LRRK1: variants seen among roughly 807,000 people sequenced by gnomAD.
LRRK1 encodes leucine-rich repeat serine/threonine-protein kinase 1.
A neutral mutation model predicts 209.1 loss-of-function variants in LRRK1; 113 were observed. That is an observed-to-expected ratio of 0.54 (90% CI 0.46 to 0.63). The LOEUF (loss-of-function observed/expected upper bound fraction) is 0.63. Ranked by LOEUF, LRRK1 falls within the 30% of genes least tolerant of loss-of-function variation. The pLI, the probability that LRRK1 is intolerant of heterozygous loss-of-function variation, is 0.00. For missense variants in LRRK1, 2,284 were observed against 2,632.2 expected (o/e 0.87, Z 2.89); for synonymous variants, 1,144 against 1,099.7 (o/e 1.04, Z -0.80).
intron 21 of LRRK1, 63 bp downstream of exon 21, chr15:101,046,215 G>C: frequency 6.5e-7 from 1 of 1,541,248 alleles, no homozygotes; most frequent in Admixed American, 1.8e-5. Context: ...TGTACCACTG[G>C]GGGAGGGGAA....
Position 101,010,445 on chromosome 15 carries a change from C to T in LRRK1, c.990-5C>T, listed in dbSNP as rs371827844. 171 of 1,608,676 alleles carry T rather than the reference C, an allele frequency of 1.1e-4. No individual in the cohort carries two copies. Among genetic ancestry groups the T allele is most frequent in the African/African-American group, 3.2e-4 (24 of 74,676 alleles). On this transcript the variant is annotated splice_polypyrimidine_tract_variant and splice_region_variant and intron_variant, in intron 7 of 33. Transcript: ENST00000388948. ...GATGCCTGCCTTCCTTCTTCTCCAT[C>T]GCAGGCTACTTGAAATTGACATTTC...
At chr15:100,949,410 G>A (rs757805074) in intron 2 of LRRK1, among the ~76,000 whole-genome samples, 1 of 152,100 alleles carries the variant, frequency 6.6e-6, no homozygotes, top group Non-Finnish European at 1.5e-5. Context: ...ACAAAGAAAA[G>A]CCAGGCCCAG....
At chr15:101,065,152 A>C in intron 31 of LRRK1, 200 bp from the exon 32 acceptor site, 1 of 614,574 alleles carries the variant, frequency 1.6e-6, no homozygotes, top group Non-Finnish European at 2.8e-6. Flanking sequence ...CAGGGATGGT[A>C]GATATGGCTC....
rs762196892 is a variant in LRRK1, at chr15:100,983,614, C to T, written c.348C>T (p.Thr116=). The T allele has an allele frequency of 4.5e-5, 72 of 1,610,654 alleles. No individual in the cohort carries two copies. The Middle Eastern group carries it at 9.9e-4, about 22-fold the overall frequency. ...LLSKRLVELP[T]EPTDDNPAVV... is the part of the protein sequence containing the mutation. ...GCAAGAGACTGGTGGAGCTGCCCAC[C>T]GAGCCCACGGATGACAACCCAGCCG... Residue 116 remains threonine (T), a synonymous_variant, in exon 4 of 34, where the codon ACC becomes ACT. Coordinates refer to ENST00000388948, the MANE Select transcript of LRRK1 (RefSeq NM_024652.6).
intron 9 of LRRK1, among the ~76,000 whole-genome samples, chr15:101,011,770 G>A (rs1195626310): frequency 6.6e-6 from 1 of 152,174 alleles, no homozygotes; most frequent in African/African-American, 2.4e-5. Context: ...GTTCTGGAAT[G>A]AAGGAAAAAG....
chr15:101,049,746 G>A lies in LRRK1; in HGVS notation c.3402G>A (p.Thr1134=), dbSNP rs79667819. 46 of 1,614,020 alleles carry A rather than the reference G, an allele frequency of 2.9e-5. No homozygotes were observed. Among genetic ancestry groups the A allele is most frequent in the South Asian group, 1.9e-4 (17 of 91,048 alleles). The part of the protein sequence containing the change: ...VRDFSAMAFI[T]DHVNSLIDQW... ...ACTTCTCAGCCATGGCTTTCATCACGGACCACGTCAATTCCTTGATTGATC... is the reference window on the plus strand; with the variant it reads ...ACTTCTCAGCCATGGCTTTCATCACAGACCACGTCAATTCCTTGATTGATC... Residue 1134 remains threonine (T), a synonymous_variant, in exon 23 of 34, where the codon ACG becomes ACA. Transcript: ENST00000388948.
chr15:100,960,639 G>C (rs769135810), intron 2 of LRRK1, among the ~76,000 whole-genome samples: 2 of 152,150 alleles, frequency 1.3e-5, no homozygotes, highest in Non-Finnish European at 2.9e-5. Context: ...GTGGGTGTTT[G>C]AAAGTAAACT....
chr15:100,933,085 G>C (rs1411260630), intron 2 of LRRK1, among the ~76,000 whole-genome samples: 1 of 152,174 alleles, frequency 6.6e-6, no homozygotes, highest in Non-Finnish European at 1.5e-5. Context: ...CCTAAGAAAG[G>C]CCTCCTGGGA....
At chr15:101,068,225 C>T (rs1306514195) in intron 33 of LRRK1, among the ~76,000 whole-genome samples, 1 of 152,174 alleles carries the variant, frequency 6.6e-6, no homozygotes, top group Non-Finnish European at 1.5e-5. Flanking sequence ...AATATATGAT[C>T]CTGTATTTCC....
chr15:101,013,919 T>C (rs2033407122), intron 10 of LRRK1, among the ~76,000 whole-genome samples: 2 of 152,160 alleles, frequency 1.3e-5, no homozygotes, highest in South Asian at 4.1e-4. Flanking sequence ...ACACCAGCAC[T>C]GTACTGCATG....
At position 101,053,401 on chromosome 15, in the gene LRRK1, G is replaced by A. The variant is rs937437587; in HGVS notation, c.4035G>A (p.Val1345=). ...ELAPLSSLNT[V]LSENARDSSF... is the part of the protein sequence containing the mutation. The stretch of plus-strand genomic sequence containing the variant: ...CGCCGCTCAGCAGCCTCAACACCGT[G>A]CTGTCCGAGAACGCCAGAGGTACCG... The change falls in exon 26 of 34, where the codon GTG becomes GTA. Residue 1345 remains valine (V), a synonymous_variant. Coordinates refer to ENST00000388948, the MANE Select transcript of LRRK1 (RefSeq NM_024652.6). 3.1e-6 allele frequency: 5 copies of A among 1,597,762 alleles called. No homozygotes were observed. Among genetic ancestry groups the A allele is most frequent in the Non-Finnish European group, 4.2e-6 (5 of 1,178,758 alleles).
At chr15:101,057,374 G>A (rs962072735) in intron 28 of LRRK1, among the ~76,000 whole-genome samples, 1 of 152,234 alleles carries the variant, frequency 6.6e-6, no homozygotes, top group Non-Finnish European at 1.5e-5. Flanking sequence ...TTTGTAAAGT[G>A]ATGGGGAAAA....
In LRRK1 at chr15:101,058,621, G is replaced by GGGT. The variant is rs1555479979; in HGVS notation, c.4679+482_4679+483insTGG. ...CCCAGATTGCAGAAGGGGCAACGGG[G>GGGT]GGGGGCGTCTAAACAGAGTTGGGGT... On this transcript the variant is annotated intron_variant, in intron 29 of 33. Transcript: ENST00000388948. 1.3e-5 allele frequency among the ~76,000 whole-genome samples: 2 copies of GGGT among 148,688 alleles called. 1 individual carries two copies. The highest frequency in any genetic ancestry group is 5.1e-5 in the African/African-American group (2 of 39,228).
At chr15:101,054,264 C>T (rs74247582) in intron 26 of LRRK1, among the ~76,000 whole-genome samples, 3 of 152,202 alleles carry the variant, frequency 2.0e-5, no homozygotes, top group South Asian at 2.1e-4. Flanking sequence ...ATGAGCCACA[C>T]GCCCAGCCAA....
intron 2 of LRRK1, among the ~76,000 whole-genome samples, chr15:100,941,108 C>CTG (rs1310439247): frequency 1.3e-5 from 2 of 151,924 alleles, no homozygotes; most frequent in South Asian, 2.1e-4. Context: ...TAAATATTTT[C>CTG]TGTGTGTGTG....
At chr15:101,063,800 C>T (rs1163870334) in intron 31 of LRRK1, among the ~76,000 whole-genome samples, 1 of 131,220 alleles carries the variant, frequency 7.6e-6, no homozygotes, top group Non-Finnish European at 1.6e-5. Context: ...CACCCTTCTT[C>T]AGTTTCATTT....
chr15:101,017,077 C>T (rs2033571638), intron 12 of LRRK1, among the ~76,000 whole-genome samples: 1 of 152,266 alleles, frequency 6.6e-6, no homozygotes, highest in African/African-American at 2.4e-5. Flanking sequence ...CCAAAGCCAG[C>T]TCTGCTCACA....
At chr15:101,058,759 A>G (rs8031193) in intron 29 of LRRK1, among the ~76,000 whole-genome samples, 60,828 of 151,364 alleles carry the variant, frequency 0.4, 12,502 homozygotes, top group Non-Finnish European at 0.45. Flanking sequence ...AATGCAAAGT[A>G]CTAAAGGATC....
At chr15:100,943,531 C>A in intron 2 of LRRK1, among the ~76,000 whole-genome samples, 1 of 151,870 alleles carries the variant, frequency 6.6e-6, no homozygotes, top group East Asian at 1.9e-4. Flanking sequence ...AATAAACAAG[C>A]AGTAGCTTTA....
Sources: allele counts gnomAD v4.1 joint callset (sites outside exome capture counted in the v4.1 genomes callset), GRCh38; gene constraint gnomAD v4.1.1; transcripts MANE v1.5; gene names NCBI Gene and HGNC (gene_info 2026-07-23, HGNC 2026-07-21).